The following SLC25A13 variants were observed in gnomAD, a reference collection of about 807,000 sequenced individuals.
SLC25A13 encodes the protein solute carrier family 25 member 13, also known as electrogenic aspartate/glutamate antiporter SLC25A13, mitochondrial.
SLC25A13 carries 70 observed loss-of-function variants against 85.5 expected under a neutral mutation model. The ratio of observed to expected loss-of-function variants is 0.82; its 90% CI spans 0.68 to 1.00. The LOEUF (loss-of-function observed/expected upper bound fraction) is 1.00. Ranked by LOEUF, SLC25A13 falls within the 50% of genes least tolerant of loss-of-function variation. The probability of loss-of-function intolerance (pLI) is 0.00; values close to 1 mark genes in which losing one functional copy is unlikely to be tolerated. For missense variants in SLC25A13, 765 were observed against 819.8 expected (o/e 0.93, Z 0.82); for synonymous variants, 259 against 288.7 (o/e 0.90, Z 1.04).
intron 1 of SLC25A13, among the ~76,000 whole-genome samples, chr7:96,318,979 T>C (rs979988962): frequency 3.9e-5 from 6 of 152,166 alleles, no homozygotes; most frequent in Admixed American, 2.0e-4. Flanking sequence ...CAACATGGAA[T>C]AGCTATGCTC....
intron 11 of SLC25A13, among the ~76,000 whole-genome samples, chr7:96,178,574 A>G (rs922640514): frequency 1.3e-5 from 2 of 152,040 alleles, no homozygotes; most frequent in African/African-American, 4.8e-5. Flanking sequence ...AACCCCTCCG[A>G]TGTCAAATTC....
intron 1 of SLC25A13, among the ~76,000 whole-genome samples, chr7:96,313,185 A>G (rs1268074096): frequency 6.6e-6 from 1 of 152,180 alleles, no homozygotes; most frequent in Non-Finnish European, 1.5e-5. Context: ...ACCCAGGCTG[A>G]GGAGTGTTAA....
At chr7:96,276,482 G>A (rs926998951) in intron 3 of SLC25A13, among the ~76,000 whole-genome samples, 1 of 152,116 alleles carries the variant, frequency 6.6e-6, no homozygotes, top group African/African-American at 2.4e-5. Context: ...AATTAGCTGG[G>A]CATGGTGGCG....
intron 2 of SLC25A13, among the ~76,000 whole-genome samples, chr7:96,280,181 G>A (rs1180050672): frequency 2.0e-5 from 3 of 152,144 alleles, no homozygotes; most frequent in East Asian, 1.9e-4. Context: ...TGTTAGGACA[G>A]AATTTTTTTT....
intron 3 of SLC25A13, among the ~76,000 whole-genome samples, chr7:96,269,340 T>C (rs994671976): frequency 1.3e-5 from 2 of 152,202 alleles, no homozygotes; most frequent in Non-Finnish European, 2.9e-5. Context: ...AGGCCGTAAG[T>C]GCACAGGCAT....
intron 14 of SLC25A13, among the ~76,000 whole-genome samples, chr7:96,133,744 A>C (rs1487186769): frequency 6.6e-6 from 1 of 152,006 alleles, no homozygotes; most frequent in Non-Finnish European, 1.5e-5. Context: ...ATGTAGATTC[A>C]GTCCAGAAGA....
intron 13 of SLC25A13, among the ~76,000 whole-genome samples, chr7:96,164,061 A>C (rs1398114042): frequency 6.6e-6 from 1 of 152,250 alleles, no homozygotes; most frequent in Non-Finnish European, 1.5e-5. Context: ...CTGCAACATC[A>C]ATGCCACATC....
At chr7:96,171,913 T>TA (rs1446948119) in intron 11 of SLC25A13, among the ~76,000 whole-genome samples, 1 of 152,088 alleles carries the variant, frequency 6.6e-6, no homozygotes, top group African/African-American at 2.4e-5. Flanking sequence ...GTATCTGAAC[T>TA]AAAAAATGTC....
chr7:96,290,924 C>T (rs1037896631), intron 2 of SLC25A13, among the ~76,000 whole-genome samples: 2 of 152,192 alleles, frequency 1.3e-5, no homozygotes, highest in Non-Finnish European at 2.9e-5. Flanking sequence ...CTGCACCAAG[C>T]AGACCTAACA....
intron 1 of SLC25A13, chr7:96,306,970 C>T (rs1367168997): frequency 1.1e-5 from 9 of 847,012 alleles, no homozygotes; most frequent in African/African-American, 1.7e-5. Flanking sequence ...ACCACAGGTC[C>T]CAGCACCGAT....
intron 3 of SLC25A13, among the ~76,000 whole-genome samples, chr7:96,241,288 T>C (rs747515494): frequency 3.3e-5 from 5 of 152,144 alleles, no homozygotes; most frequent in East Asian, 1.9e-4. Flanking sequence ...GCCACCACAA[T>C]TGCACTTCTA....
At position 96,171,462 on chromosome 7, in the gene SLC25A13, A is replaced by G. The variant is rs2116581734; in HGVS notation, c.1230+10T>C. The G allele has an allele frequency of 6.2e-7, 1 of 1,612,054 alleles. No individual in the cohort carries two copies. Among genetic ancestry groups the G allele is most frequent in the East Asian group, 2.2e-5 (1 of 44,832 alleles). On this transcript the variant is annotated intron_variant, in intron 12 of 17. Transcript: ENST00000265631. ...TCCCTTAATAAGAAGCACCAACTCA[A>G]AAGACTTACTGTAAGTTTTATGGCC...
chr7:96,244,564 T>A (rs1797113338), intron 3 of SLC25A13, among the ~76,000 whole-genome samples: 1 of 152,186 alleles, frequency 6.6e-6, no homozygotes, highest in Admixed American at 6.5e-5. Flanking sequence ...AGATATCCTT[T>A]CTTGTTCCAT....
chr7:96,293,031 A>G (rs543040701), intron 2 of SLC25A13, among the ~76,000 whole-genome samples: 28 of 152,248 alleles, frequency 1.8e-4, no homozygotes, highest in Non-Finnish European at 4.1e-4. Context: ...TTCAAACTAT[A>G]CTACAAAGCT....
intron 13 of SLC25A13, among the ~76,000 whole-genome samples, chr7:96,152,787 A>G (rs1269651780): frequency 6.6e-6 from 1 of 152,212 alleles, no homozygotes; most frequent in Non-Finnish European, 1.5e-5. Flanking sequence ...CAATCCAGGC[A>G]CAAGAGTTAA....
chr7:96,319,423 T>A (rs951057339), intron 1 of SLC25A13, among the ~76,000 whole-genome samples: 15 of 150,026 alleles, frequency 1.0e-4, no homozygotes, highest in African/African-American at 2.7e-4. Context: ...GTGCCTGTAG[T>A]CCCAGATACT....
intron 14 of SLC25A13, among the ~76,000 whole-genome samples, chr7:96,145,963 TA>T (rs1268534144): frequency 3.3e-5 from 5 of 152,208 alleles, no homozygotes; most frequent in Non-Finnish European, 7.4e-5. Context: ...AAAACTTGTG[TA>T]TACATTATGT....
At chr7:96,154,681 C>T (rs1793187151) in intron 13 of SLC25A13, among the ~76,000 whole-genome samples, 1 of 152,066 alleles carries the variant, frequency 6.6e-6, no homozygotes, top group Non-Finnish European at 1.5e-5. Flanking sequence ...AGCTAGGAGT[C>T]CCTCTGACCA....
chr7:96,274,862 G>T (rs907495319), intron 3 of SLC25A13, among the ~76,000 whole-genome samples: 7 of 152,080 alleles, frequency 4.6e-5, no homozygotes, highest in African/African-American at 1.7e-4. Context: ...TGTTCCATTG[G>T]TCTATATCTC....
Sources: allele counts gnomAD v4.1 joint callset (sites outside exome capture counted in the v4.1 genomes callset), GRCh38; gene constraint gnomAD v4.1.1; transcripts MANE v1.5; gene names NCBI Gene and HGNC (gene_info 2026-07-23, HGNC 2026-07-21).